ALK: variants seen among roughly 807,000 people sequenced by gnomAD.
ALK encodes the protein ALK tyrosine kinase receptor.
A neutral mutation model predicts 163.1 loss-of-function variants in ALK; 74 were observed. The observed-to-expected ratio is 0.45, with a 90% CI of 0.38 to 0.55. ALK has a LOEUF of 0.55. ALK is among the 20% of genes least tolerant of loss of function. The probability of loss-of-function intolerance (pLI) is 0.00; values close to 1 mark genes in which losing one functional copy is unlikely to be tolerated. For synonymous variants in ALK, 960 were observed against 843.2 expected (o/e 1.14, Z -2.40); for missense variants, 2,063 against 2,105.3 (o/e 0.98, Z 0.39).
intron 4 of ALK, among the ~76,000 whole-genome samples, chr2:29,524,066 C>A (rs1672889276): frequency 6.6e-6 from 1 of 151,994 alleles, no homozygotes; most frequent in Non-Finnish European, 1.5e-5. Context: ...GGAGAAAATA[C>A]TTTTCATCTT....
At chr2:29,471,612 A>C (rs72858337) in intron 4 of ALK, among the ~76,000 whole-genome samples, 27,603 of 152,278 alleles carry the variant, frequency 0.18, 2,720 homozygotes, top group East Asian at 0.36. Context: ...ACCTCAGCAC[A>C]CTAGGAATAG....
At position 29,194,477 on chromosome 2, in the gene ALK, CAT is replaced by C. The variant is rs377138985; in HGVS notation, c.4165-557_4165-556del. Among the ~76,000 whole-genome samples the C allele has an allele frequency of 2.0e-5, 3 of 152,162 alleles. No individual in the cohort carries two copies. The East Asian group carries it at 5.8e-4, about 29-fold the overall frequency. ...TAAGTTTTCCTGTGCCACATCATCA[CAT>C]GTGCAGGTACCACAGTGCATGTTTT... On this transcript the variant is annotated intron_variant, in intron 28 of 28. Coordinates refer to ENST00000389048, the MANE Select transcript of ALK (RefSeq NM_004304.5).
chr2:29,557,795 A>G (rs1673905276), intron 3 of ALK, among the ~76,000 whole-genome samples: 2 of 152,216 alleles, frequency 1.3e-5, no homozygotes, highest in African/African-American at 4.8e-5. Flanking sequence ...CATAATAGTA[A>G]TAATGGAGAT....
chr2:29,279,795 G>C (rs1166561384), intron 9 of ALK, among the ~76,000 whole-genome samples: 1 of 152,220 alleles, frequency 6.6e-6, no homozygotes, highest in African/African-American at 2.4e-5. Flanking sequence ...CAGAAGTACA[G>C]CTACCATGTC....
At chr2:29,471,700 A>G (rs770380092) in intron 4 of ALK, among the ~76,000 whole-genome samples, 5 of 152,038 alleles carry the variant, frequency 3.3e-5, no homozygotes, top group Non-Finnish European at 7.4e-5. Flanking sequence ...GAACTTGCAG[A>G]GTAGAATGCA....
At chr2:29,696,907 C>G (rs1259259110) in intron 2 of ALK, among the ~76,000 whole-genome samples, 1 of 149,756 alleles carries the variant, frequency 6.7e-6, no homozygotes, top group Non-Finnish European at 1.5e-5. Flanking sequence ...AGAAATAAAA[C>G]CTGCTTGCCC....
chr2:29,667,259 C>T (rs947127877), intron 3 of ALK, among the ~76,000 whole-genome samples: 7 of 152,058 alleles, frequency 4.6e-5, no homozygotes, highest in African/African-American at 1.7e-4. Flanking sequence ...AAACTTCTTA[C>T]TGTTCTCCAT....
chr2:29,668,710 C>T (rs577943143), intron 3 of ALK, among the ~76,000 whole-genome samples: 2 of 152,166 alleles, frequency 1.3e-5, no homozygotes, highest in South Asian at 2.1e-4. Flanking sequence ...TTAGTTTATT[C>T]TGCACATGTA....
intron 3 of ALK, among the ~76,000 whole-genome samples, chr2:29,665,790 G>A (rs1677495958): frequency 6.6e-6 from 1 of 151,884 alleles, no homozygotes. Context: ...TTTAAGCCTG[G>A]GATTGGAACC....
At chr2:29,587,336 C>T (rs190019615) in intron 3 of ALK, among the ~76,000 whole-genome samples, 228 of 152,246 alleles carry the variant, frequency 1.5e-3, no homozygotes, top group African/African-American at 5.3e-3. Context: ...TCATGACTGG[C>T]ATAGGCTGTA....
intron 1 of ALK, among the ~76,000 whole-genome samples, chr2:29,746,027 C>T (rs1680199472): frequency 6.6e-6 from 1 of 152,132 alleles, no homozygotes. Context: ...TTTTCCATCC[C>T]CTTATGATTA....
intron 4 of ALK, 32 bp from the exon 5 acceptor site, chr2:29,383,891 A>G: frequency 6.2e-7 from 1 of 1,613,780 alleles, no homozygotes. Context: ...GGAGAAAAGC[A>G]TAGAGAAACA....
intron 11 of ALK, among the ~76,000 whole-genome samples, chr2:29,256,793 C>T (rs565160311): frequency 1.3e-5 from 2 of 152,014 alleles, no homozygotes; most frequent in Non-Finnish European, 2.9e-5. Flanking sequence ...CCCCCGCAGT[C>T]GCTTAGCCTA....
chr2:29,475,517 G>C (rs4503951), intron 4 of ALK, among the ~76,000 whole-genome samples: 2 of 151,996 alleles, frequency 1.3e-5, no homozygotes, highest in South Asian at 4.1e-4. Flanking sequence ...GAACATTCCT[G>C]AACAGTCTCG....
intron 6 of ALK, among the ~76,000 whole-genome samples, chr2:29,324,643 C>T (rs1381647058): frequency 2.0e-5 from 3 of 152,222 alleles, no homozygotes; most frequent in African/African-American, 7.2e-5. Context: ...GAATCACTGA[C>T]CCATCTAGGG....
chr2:29,727,335 TAA>T (rs1346742737), intron 1 of ALK, among the ~76,000 whole-genome samples: 2 of 152,174 alleles, frequency 1.3e-5, no homozygotes, highest in African/African-American at 4.8e-5. Context: ...CATTTCAGGA[TAA>T]AGAGTCTATC....
intron 4 of ALK, among the ~76,000 whole-genome samples, chr2:29,386,715 T>G (rs114313395): frequency 0.017 from 2,565 of 152,366 alleles, 66 homozygotes; most frequent in African/African-American, 0.059. Context: ...CAATAACTTT[T>G]GTCTGAAATT....
At chr2:29,772,678 AGAG>A (rs1681059712) in intron 1 of ALK, among the ~76,000 whole-genome samples, 1 of 152,220 alleles carries the variant, frequency 6.6e-6, no homozygotes, top group East Asian at 1.9e-4. Context: ...CTCGCTGCTG[AGAG>A]GAGATGGAGG....
intron 19 of ALK, chr2:29,224,790 CAG>C (rs1208503503): frequency 1.8e-5 from 4 of 217,346 alleles, no homozygotes; most frequent in Non-Finnish European, 3.7e-5. Flanking sequence ...TATGGGGACA[CAG>C]TGTGTGCTGC....
Sources: gnomAD v4.1 joint callset for allele counts (sites outside exome capture counted in the v4.1 genomes callset) on GRCh38, gnomAD v4.1.1 for gene constraint, MANE v1.5 for transcripts, NCBI Gene and HGNC (gene_info 2026-07-23, HGNC 2026-07-21) for gene names.